PUM3: variants seen among roughly 807,000 people sequenced by gnomAD.
PUM3 encodes pumilio homolog 3.
PUM3 carries 91 observed loss-of-function variants against 84.0 expected under a neutral mutation model. The observed-to-expected ratio is 1.08, with a 90% confidence interval of 0.91 to 1.29. PUM3 has a LOEUF of 1.29. Among genes scored for constraint, PUM3 ranks in the 50% most tolerant of loss-of-function variants. The probability of loss-of-function intolerance (pLI) is 0.00; values close to 1 mark genes in which losing one functional copy is unlikely to be tolerated. For synonymous variants in PUM3, 321 were observed against 266.7 expected (o/e 1.20, Z -1.98); for missense variants, 1,067 against 767.5 (o/e 1.39, Z -4.61).
chr9:2,833,692 AT>A (rs3830413), intron 4 of PUM3, among the ~76,000 whole-genome samples: 65,000 of 151,620 alleles, frequency 0.43, 14,514 homozygotes, highest in South Asian at 0.57. Context: ...AGTAAAAAAA[AT>A]AATAAAACAA....
intron 1 of PUM3, among the ~76,000 whole-genome samples, chr9:2,842,598 G>A (rs570158056): frequency 1.4e-4 from 22 of 152,050 alleles, no homozygotes; most frequent in African/African-American, 5.3e-4. Context: ...TCAAATCTTT[G>A]CCCTAGGGAA....
At position 2,830,995 on chromosome 9, in the gene PUM3, G is replaced by A. The variant is rs755791650; in HGVS notation, c.644C>T (p.Ser215Leu). The A allele has an allele frequency of 1.3e-5, 20 of 1,488,528 alleles. No homozygotes were observed. Among genetic ancestry groups the A allele is most frequent in the East Asian group, 4.5e-5 (2 of 44,214 alleles). 92.2% of individuals were successfully genotyped at this position (1,488,528 alleles called of 1,614,324 possible). ...DLVELSKAKY[S>L]RNIVKKFLMY... ...GAGAAATTTCTTAACAATATTTCTC[G>A]AATATTTGGCTTTACTTAACTCAAC... The change falls in exon 7 of 18, where the codon TCG (serine) becomes TTG (leucine). Residue 215 changes from serine (S) to leucine (L), a missense_variant. Coordinates refer to ENST00000397885, the MANE Select transcript of PUM3 (RefSeq NM_014878.5).
At chr9:2,807,964 C>G in intron 16 of PUM3, 60 bp from the exon 17 acceptor site, 1 of 1,028,948 alleles carries the variant, frequency 9.7e-7, no homozygotes, top group Middle Eastern at 2.1e-4. Flanking sequence ...TCCCTACCCC[C>G]TTCTCTACTG....
chr9:2,807,713 G>C (rs1480217936), intron 17 of PUM3, 101 bp downstream of exon 17: 12 of 655,758 alleles, frequency 1.8e-5, no homozygotes, highest in Non-Finnish European at 2.7e-5. Context: ...AGTAATATTA[G>C]ACTACTGAGA....
Position 2,837,405 on chromosome 9 carries a change from G to C in PUM3, c.83-4C>G. ...AATGTCTTTGAAGAACCAGAATCTAGTGACAATAATAATTATAAGTTCAAT... is the reference window on the plus strand; with the variant it reads ...AATGTCTTTGAAGAACCAGAATCTACTGACAATAATAATTATAAGTTCAAT... On this transcript the variant is annotated splice_region_variant and splice_polypyrimidine_tract_variant and intron_variant, in intron 2 of 17. Transcript: ENST00000397885. 1 of 1,574,830 alleles carries C rather than the reference G, an allele frequency of 6.3e-7. No individual in the cohort carries two copies. Among genetic ancestry groups the C allele is most frequent in the Non-Finnish European group, 8.7e-7 (1 of 1,145,896 alleles).
At chr9:2,829,290 C>A (rs768899139) in intron 8 of PUM3, among the ~76,000 whole-genome samples, 4 of 152,214 alleles carry the variant, frequency 2.6e-5, no homozygotes, top group Admixed American at 6.5e-5. Flanking sequence ...GCTAACTATT[C>A]TCAGATTCAA....
chr9:2,839,200 C>T (rs983745543), intron 1 of PUM3, among the ~76,000 whole-genome samples: 1 of 152,140 alleles, frequency 6.6e-6, no homozygotes, highest in Admixed American at 6.5e-5. Context: ...CAAGTTATAA[C>T]CCCTCACCTA....
intron 13 of PUM3, among the ~76,000 whole-genome samples, chr9:2,814,773 T>C (rs1282032313): frequency 1.3e-5 from 2 of 151,430 alleles, no homozygotes; most frequent in Non-Finnish European, 1.5e-5. Context: ...CTCTGAAATA[T>C]AACACCTTTA....
intron 10 of PUM3, among the ~76,000 whole-genome samples, chr9:2,825,144 AGGT>A (rs1815777346): frequency 6.6e-6 from 1 of 152,148 alleles, no homozygotes; most frequent in Non-Finnish European, 1.5e-5. Context: ...GAAGCCTAGG[AGGT>A]GGTGGTGATA....
At chr9:2,829,652 G>C in intron 8 of PUM3, 122 bp downstream of exon 8, 1 of 795,166 alleles carries the variant, frequency 1.3e-6, no homozygotes, top group Non-Finnish European at 2.0e-6. Context: ...AAGGGCATAA[G>C]ATGGTCTCTT....
At chr9:2,806,439 A>T (rs1460674742) in intron 17 of PUM3, among the ~76,000 whole-genome samples, 1 of 152,198 alleles carries the variant, frequency 6.6e-6, no homozygotes, top group Non-Finnish European at 1.5e-5. Context: ...TATGTTGAAG[A>T]AACACTTAAA....
At chr9:2,818,981 T>C (rs770762095) in intron 13 of PUM3, among the ~76,000 whole-genome samples, 2 of 152,246 alleles carry the variant, frequency 1.3e-5, no homozygotes, top group African/African-American at 4.8e-5. Flanking sequence ...ATATTCTTCT[T>C]TCTTGCAGAT....
Position 2,830,968 on chromosome 9 carries a change from A to G in PUM3, c.671T>C (p.Met224Thr), listed in dbSNP as rs1815960700. Reference protein sequence around the residue: ...YSRNIVKKFLMYGSKPQIAEI... With the variant: ...YSRNIVKKFLTYGSKPQIAEI... Reference sequence around the variant, plus strand: ...TATACATAAAACAACTTACCCATACATGAGAAATTTCTTAACAATATTTCT... The same window carrying G: ...TATACATAAAACAACTTACCCATACGTGAGAAATTTCTTAACAATATTTCT... The change falls in exon 7 of 18, where the codon ATG becomes ACG. Residue 224 changes from methionine to threonine, a missense_variant. Physicochemically the swap from Met to Thr is moderately conservative, Grantham distance 81. Transcript: ENST00000397885. The G allele has an allele frequency of 6.9e-7, 1 of 1,454,476 alleles. No individual in the cohort carries two copies. Among genetic ancestry groups the G allele is most frequent in the Non-Finnish European group, 9.6e-7 (1 of 1,044,154 alleles). 90.1% of individuals were successfully genotyped at this position (1,454,476 alleles called of 1,614,324 possible).
intron 10 of PUM3, 112 bp downstream of exon 10, chr9:2,826,961 A>G: frequency 1.3e-6 from 1 of 757,764 alleles, no homozygotes; most frequent in Non-Finnish European, 2.2e-6. Context: ...TTCCCTAAAT[A>G]AGGAAGCAAC....
chr9:2,839,868 A>G (rs906381346), intron 1 of PUM3, among the ~76,000 whole-genome samples: 5 of 152,214 alleles, frequency 3.3e-5, no homozygotes, highest in African/African-American at 1.2e-4. Flanking sequence ...TAGCTTTACA[A>G]AAGAGTTGAA....
In PUM3 at chr9:2,804,285, C is replaced by T. The variant is rs781462674; in HGVS notation, c.*46G>A. The T allele has an allele frequency of 1.8e-5, 28 of 1,593,660 alleles. No individual in the cohort carries two copies. The South Asian group carries it at 2.4e-4, about 14-fold the overall frequency. ...TTCTTTTCTGCATTGGGAAACAGAA[C>T]AGAGAACAGAAAAAATCATTCCATC... On this transcript the variant is annotated 3_prime_UTR_variant, in exon 18 of 18. Transcript: ENST00000397885.
At chr9:2,843,404 G>C (rs1427896054) in intron 1 of PUM3, among the ~76,000 whole-genome samples, 1 of 151,958 alleles carries the variant, frequency 6.6e-6, no homozygotes, top group Non-Finnish European at 1.5e-5. Flanking sequence ...CCAGCACTTA[G>C]AATCTGCGTA....
chr9:2,812,039 A>G (rs76667946), intron 14 of PUM3, among the ~76,000 whole-genome samples, 181 bp downstream of exon 14: 1 of 152,254 alleles, frequency 6.6e-6, no homozygotes, highest in Non-Finnish European at 1.5e-5. Flanking sequence ...TTGGCACGAC[A>G]CTTTTATTTC....
intron 1 of PUM3, among the ~76,000 whole-genome samples, chr9:2,840,253 CTT>C (rs1816234797): frequency 6.6e-6 from 1 of 152,196 alleles, no homozygotes; most frequent in Non-Finnish European, 1.5e-5. Context: ...GAAGTTGCCA[CTT>C]TAACCTTTCC....
Sources: gnomAD v4.1 joint callset for allele counts (sites outside exome capture counted in the v4.1 genomes callset) on GRCh38, gnomAD v4.1.1 for gene constraint, MANE v1.5 for transcripts, NCBI Gene and HGNC (gene_info 2026-07-23, HGNC 2026-07-21) for gene names.